Variants in ELL2 observed in about 807,000 individuals in gnomAD.
ELL2 encodes the protein RNA polymerase II elongation factor ELL2.
In ELL2, 21 loss-of-function variants were observed where a neutral mutation model predicts 72.8. That is an observed-to-expected ratio of 0.29 (90% CI 0.20 to 0.42). The LOEUF (loss-of-function observed/expected upper bound fraction) is 0.42, where lower values mean the gene tolerates loss of function less well. Among genes scored for constraint, ELL2 ranks in the 10% least tolerant of loss-of-function variants. The pLI is 1.00. For missense variants in ELL2, 568 were observed against 772.8 expected, an observed-to-expected ratio of 0.73 and a Z score of 3.14; for synonymous variants, 266 against 283.2, an observed-to-expected ratio of 0.94 and a Z score of 0.61.
rs1287804552 is a variant in ELL2 at position 95,913,755 on chromosome 5, A to G, written c.481+16T>C. 4 of 1,571,924 alleles carry G rather than the reference A, an allele frequency of 2.5e-6. 1 individual carries two copies. In the South Asian group the frequency reaches 4.7e-5, roughly 19 times the overall value. On this transcript the variant is annotated intron_variant, in intron 4 of 11. Transcript: ENST00000237853. ...TCCAATCAATCAGCAAGAGGAAGAAAGATATCTATACAAACCTACATATGG... is the reference window on the plus strand; with the variant it reads ...TCCAATCAATCAGCAAGAGGAAGAAGGATATCTATACAAACCTACATATGG...
At chr5:95,905,839 G>A (rs531742069) in intron 5 of ELL2, among the ~76,000 whole-genome samples, 1 of 151,456 alleles carries the variant, frequency 6.6e-6, no homozygotes, top group Non-Finnish European at 1.5e-5. Context: ...CACCATTTAT[G>A]GTGGATCTGA....
chr5:95,931,977 TG>T (rs1030512387), intron 2 of ELL2, among the ~76,000 whole-genome samples: 4 of 130,474 alleles, frequency 3.1e-5, no homozygotes, highest in African/African-American at 9.5e-5. Context: ...TCTGTGGGGG[TG>T]TTTTTTTTTT....
At chr5:95,916,023 A>G (rs1749780428) in intron 3 of ELL2, among the ~76,000 whole-genome samples, 1 of 151,816 alleles carries the variant, frequency 6.6e-6, no homozygotes, top group African/African-American at 2.4e-5. Flanking sequence ...CACCAGAAGG[A>G]AAGAAAAGAG....
chr5:95,955,077 G>A (rs1249024281), intron 1 of ELL2, among the ~76,000 whole-genome samples: 1 of 152,058 alleles, frequency 6.6e-6, no homozygotes, highest in Non-Finnish European at 1.5e-5. Flanking sequence ...GGCAATTCTT[G>A]GAGCTTGCCC....
At chr5:95,950,927 TA>T (rs1751364008) in intron 1 of ELL2, among the ~76,000 whole-genome samples, 2 of 121,484 alleles carry the variant, frequency 1.6e-5, no homozygotes, top group Admixed American at 1.6e-4. Flanking sequence ...TATATATATA[TA>T]TATATATATA....
chr5:95,936,553 C>T (rs1051199813), intron 2 of ELL2, among the ~76,000 whole-genome samples: 6 of 152,000 alleles, frequency 3.9e-5, no homozygotes, highest in Admixed American at 6.6e-5. Flanking sequence ...GAGGCTGAGG[C>T]GGGAGGATCG....
At chr5:95,896,071 T>A (rs941153933) in intron 8 of ELL2, among the ~76,000 whole-genome samples, 1 of 152,308 alleles carries the variant, frequency 6.6e-6, no homozygotes, top group East Asian at 1.9e-4. Context: ...AACATCTACT[T>A]TTCATGGGAT....
intron 2 of ELL2, among the ~76,000 whole-genome samples, chr5:95,927,911 C>T (rs1469529116): frequency 1.3e-5 from 2 of 150,194 alleles, no homozygotes; most frequent in Non-Finnish European, 3.0e-5. Flanking sequence ...GTTAAGTGTA[C>T]TTCTTATTTT....
At chr5:95,929,321 C>T (rs1475245945) in intron 2 of ELL2, among the ~76,000 whole-genome samples, 1 of 150,630 alleles carries the variant, frequency 6.6e-6, no homozygotes, top group African/African-American at 2.5e-5. Flanking sequence ...TGCAGCGGCT[C>T]GATCTTGGCT....
chr5:95,937,137 G>A (rs1307611754), intron 2 of ELL2, among the ~76,000 whole-genome samples: 1 of 152,176 alleles, frequency 6.6e-6, no homozygotes, highest in African/African-American at 2.4e-5. Context: ...ATGCAGTTTG[G>A]TGAAGGACAG....
chr5:95,896,976 C>T (rs1748900287), intron 8 of ELL2, among the ~76,000 whole-genome samples: 1 of 152,182 alleles, frequency 6.6e-6, no homozygotes, highest in African/African-American at 2.4e-5. Context: ...TAGAGTTCTA[C>T]TTCATTTCTT....
At chr5:95,908,158 G>T (rs980974479) in intron 4 of ELL2, among the ~76,000 whole-genome samples, 1 of 152,202 alleles carries the variant, frequency 6.6e-6, no homozygotes, top group Non-Finnish European at 1.5e-5. Flanking sequence ...TAGAGTTTCA[G>T]AGATAGATTT....
At chr5:95,936,999 A>G (rs1750799956) in intron 2 of ELL2, among the ~76,000 whole-genome samples, 2 of 152,218 alleles carry the variant, frequency 1.3e-5, no homozygotes, top group Non-Finnish European at 2.9e-5. Context: ...TGCCTGGTAC[A>G]CATCGCGCAC....
At chr5:95,935,268 A>G (rs1750732840) in intron 2 of ELL2, among the ~76,000 whole-genome samples, 1 of 152,182 alleles carries the variant, frequency 6.6e-6, no homozygotes, top group South Asian at 2.1e-4. Flanking sequence ...GTTATAAGTT[A>G]CTGCTTTTCA....
intron 5 of ELL2, among the ~76,000 whole-genome samples, chr5:95,902,160 G>A (rs913669592): frequency 1.3e-5 from 2 of 152,218 alleles, no homozygotes; most frequent in African/African-American, 4.8e-5. Context: ...GTGCCCAAAT[G>A]TTGGGTTACA....
chr5:95,931,796 TA>T (rs368583353), intron 2 of ELL2, among the ~76,000 whole-genome samples: 54 of 72,528 alleles, frequency 7.4e-4, no homozygotes, highest in Admixed American at 4.8e-3. Context: ...GCCCTATCCA[TA>T]AAAAAAAAAA....
chr5:95,907,041 C>A (rs1297518671), intron 4 of ELL2, among the ~76,000 whole-genome samples: 1 of 151,974 alleles, frequency 6.6e-6, no homozygotes, highest in South Asian at 2.1e-4. Flanking sequence ...CATTTTGCTA[C>A]AGAAAGATAA....
At chr5:95,889,162 A>C in intron 10 of ELL2, 32 bp from the exon 11 acceptor site, 1 of 1,532,486 alleles carries the variant, frequency 6.5e-7, no homozygotes, top group Non-Finnish European at 9.0e-7. Flanking sequence ...ATCAGAAGAG[A>C]ACAACTTCTT....
At chr5:95,934,179 A>G (rs777372288) in intron 2 of ELL2, among the ~76,000 whole-genome samples, 1 of 152,234 alleles carries the variant, frequency 6.6e-6, no homozygotes, top group African/African-American at 2.4e-5. Context: ...TACTACCTTC[A>G]TAAATATGGC....
Sources: allele counts gnomAD v4.1 joint callset (sites outside exome capture counted in the v4.1 genomes callset), GRCh38; gene constraint gnomAD v4.1.1; transcripts MANE v1.5; gene names NCBI Gene and HGNC (gene_info 2026-07-23, HGNC 2026-07-21).